The following ACAD11 variants were observed in gnomAD, a reference collection of about 807,000 sequenced individuals.
ACAD11 encodes the protein acyl-CoA dehydrogenase family member 11.
In ACAD11, 83 loss-of-function variants were observed where a neutral mutation model predicts 102.2. That is an observed-to-expected ratio of 0.81 (90% confidence interval 0.68 to 0.97). The LOEUF is 0.97. ACAD11 is among the 50% of genes least tolerant of loss of function. ACAD11 has a pLI of 0.00. For synonymous variants in ACAD11, 324 were observed against 319.8 expected, an observed-to-expected ratio of 1.01 and a Z score of -0.14; for missense variants, 901 against 951.7, an observed-to-expected ratio of 0.95 and a Z score of 0.70.
At chr3:132,574,880 G>C (rs1245602594) in intron 17 of ACAD11, among the ~76,000 whole-genome samples, 1 of 152,144 alleles carries the variant, frequency 6.6e-6, no homozygotes, top group Non-Finnish European at 1.5e-5. Flanking sequence ...CTGTCGCCAG[G>C]CTGGAGTGCA....
At chr3:132,586,883 A>T (rs1477927065) in intron 13 of ACAD11, among the ~76,000 whole-genome samples, 1 of 152,198 alleles carries the variant, frequency 6.6e-6, no homozygotes, top group African/African-American at 2.4e-5. Flanking sequence ...ACCTGAGGCC[A>T]GGAGTTCGAG....
At position 132,578,839 on chromosome 3, in the gene ACAD11, A is replaced by C; in HGVS notation, c.1731T>G (p.Pro577=). 1 of 1,613,178 alleles carries C rather than the reference A, an allele frequency of 6.2e-7. No individual in the cohort carries two copies. The highest frequency in any genetic ancestry group is 8.5e-7 in the Non-Finnish European group (1 of 1,179,478). The change falls in exon 15 of 20, where the codon CCT becomes CCG. Residue 577 remains proline (P), a synonymous_variant. Transcript: ENST00000264990. ...HSMILVPMNT[P]GVKIIRPLSV... ...ACAAAGGCCTTATTATTTTTACTCC[A>C]GGTGTGTTCATGGGAACAAGAATCA...
intron 1 of ACAD11, among the ~76,000 whole-genome samples, chr3:132,651,626 T>C (rs1339540446): frequency 6.6e-6 from 1 of 152,214 alleles, no homozygotes; most frequent in Non-Finnish European, 1.5e-5. Flanking sequence ...CTACCATCCA[T>C]TGATCATACT....
chr3:132,617,397 G>A lies in ACAD11; in HGVS notation c.1414+1237C>T, dbSNP rs145823169. Among the ~76,000 whole-genome samples, 40 of 152,044 alleles carry A rather than the reference G, an allele frequency of 2.6e-4. No individual in the cohort carries two copies. In the East Asian group the frequency reaches 6.9e-3, roughly 26 times the overall value. On this transcript the variant is annotated intron_variant, in intron 11 of 19. Coordinates refer to ENST00000264990, the MANE Select transcript of ACAD11 (RefSeq NM_032169.5). The stretch of plus-strand genomic sequence containing the variant: ...TTTCATTTTACTTTTTAAAAAATTG[G>A]CCTCCTTCCTTCATCTTTTCAATTT...
Position 132,631,468 on chromosome 3 carries a change from T to C in ACAD11, c.714A>G (p.Ile238Met). 1 of 1,496,978 alleles carries C rather than the reference T, an allele frequency of 6.7e-7. No individual in the cohort carries two copies. The highest frequency in any genetic ancestry group is 1.4e-5 in the South Asian group (1 of 69,010). 92.7% of individuals were successfully genotyped at this position (1,496,978 alleles called of 1,614,324 possible). ...TTGACAGCTCCCAATCCAGCACTGC[T>C]ATAACTCGACACTGTAATTAAAAAT... Reference protein sequence around the residue: ...IVFHPKECRVIAVLDWELSTI... With the variant: ...IVFHPKECRVMAVLDWELSTI... The change falls in exon 6 of 20, where the codon ATA becomes ATG. Residue 238 changes from isoleucine (I) to methionine (M), a missense_variant. Coordinates refer to ENST00000264990, the MANE Select transcript of ACAD11 (RefSeq NM_032169.5).
intron 11 of ACAD11, among the ~76,000 whole-genome samples, chr3:132,615,063 CAT>C (rs1287457284): frequency 6.6e-6 from 1 of 152,140 alleles, no homozygotes; most frequent in African/African-American, 2.4e-5. Context: ...GCCCAACAAA[CAT>C]ATGAAAAAAA....
intron 11 of ACAD11, among the ~76,000 whole-genome samples, chr3:132,607,341 T>A (rs1938891131): frequency 6.6e-6 from 1 of 152,092 alleles, no homozygotes; most frequent in African/African-American, 2.4e-5. Flanking sequence ...TAAAGAAGCA[T>A]GTTCTAACCC....
At chr3:132,572,639 A>G (rs1247918342) in intron 17 of ACAD11, among the ~76,000 whole-genome samples, 2 of 152,236 alleles carry the variant, frequency 1.3e-5, no homozygotes, top group African/African-American at 4.8e-5. Context: ...CTTGACTTCA[A>G]ACTATACTAC....
intron 8 of ACAD11, among the ~76,000 whole-genome samples, chr3:132,627,807 G>A (rs1442733796): frequency 6.6e-6 from 1 of 152,198 alleles, no homozygotes; most frequent in African/African-American, 2.4e-5. Flanking sequence ...TATGCCATGG[G>A]TACTTGTGGG....
intron 1 of ACAD11, among the ~76,000 whole-genome samples, chr3:132,648,948 G>A (rs549122651): frequency 6.6e-6 from 1 of 152,248 alleles, no homozygotes; most frequent in Non-Finnish European, 1.5e-5. Context: ...ACAGAAACAT[G>A]TGTTGTATGG....
chr3:132,645,059 GA>G (rs1395729801), intron 1 of ACAD11, among the ~76,000 whole-genome samples, 163 bp from the exon 2 acceptor site: 1 of 152,178 alleles, frequency 6.6e-6, no homozygotes, highest in Non-Finnish European at 1.5e-5. Context: ...ATTTCTAGAT[GA>G]TATTAAAGCA....
intron 17 of ACAD11, among the ~76,000 whole-genome samples, chr3:132,574,916 C>T (rs1052809335): frequency 6.6e-6 from 1 of 152,132 alleles, no homozygotes; most frequent in African/African-American, 2.4e-5. Flanking sequence ...CTGAACGCAA[C>T]CTCTGTCTCC....
At chr3:132,638,463 C>T (rs1346909298) in intron 5 of ACAD11, among the ~76,000 whole-genome samples, 1 of 152,082 alleles carries the variant, frequency 6.6e-6, no homozygotes, top group African/African-American at 2.4e-5. Flanking sequence ...GAAAGTTAAG[C>T]ATAAATTTAT....
intron 18 of ACAD11, 150 bp from the exon 19 acceptor site, chr3:132,560,092 A>G (rs527926186): frequency 2.2e-4 from 140 of 626,800 alleles, no homozygotes; most frequent in Non-Finnish European, 3.7e-4. Context: ...TCCTGCTGCA[A>G]TGCCATATTT....
At chr3:132,592,721 C>T (rs1938130993) in intron 13 of ACAD11, among the ~76,000 whole-genome samples, 1 of 152,144 alleles carries the variant, frequency 6.6e-6, no homozygotes, top group African/African-American at 2.4e-5. Context: ...AGGTAGAACA[C>T]CTGAACTTCA....
At chr3:132,594,731 G>A (rs1938226098) in intron 13 of ACAD11, among the ~76,000 whole-genome samples, 1 of 152,134 alleles carries the variant, frequency 6.6e-6, no homozygotes, top group Admixed American at 6.6e-5. Context: ...CTAAAATAGG[G>A]TGGGAAGAGT....
Position 132,640,770 on chromosome 3 carries a change from C to T in ACAD11, c.538-1114G>A, listed in dbSNP as rs145118740. Among the ~76,000 whole-genome samples, 95 of 152,080 alleles carry T rather than the reference C, an allele frequency of 6.2e-4. 1 individual carries two copies. The highest frequency in any genetic ancestry group is 6.8e-3 in the Middle Eastern group (2 of 292). On this transcript the variant is annotated intron_variant, in intron 4 of 19. Transcript: ENST00000264990. ...GTTGTAAAGATCAAAAAAGAGAGGC[C>T]GACAACTCACTCTGCCATGTAGGAC...
chr3:132,599,839 G>C lies in ACAD11; in HGVS notation c.1621+3390C>G, dbSNP rs114413101. Among the ~76,000 whole-genome samples, 1,386 of 152,164 alleles carry C rather than the reference G, an allele frequency of 9.1e-3. 8 individuals are homozygous for C. The highest frequency in any genetic ancestry group is 0.016 in the Non-Finnish European group (1,059 of 68,004). On this transcript the variant is annotated intron_variant, in intron 13 of 19. Transcript: ENST00000264990. ...TCTTGTTTTATAAAAGGCAACTAGT[G>C]AAATTTAGTGCAAATGCTGAGAGAA... is the stretch of plus-strand genomic sequence containing the variant.
At position 132,561,113 on chromosome 3, in the gene ACAD11, G is replaced by A. The variant is rs769987502; in HGVS notation, c.2106C>T (p.Gly702=). 1.9e-5 allele frequency: 30 copies of A among 1,612,392 alleles called. No homozygotes were observed. The East Asian group carries it at 3.8e-4, about 20-fold the overall frequency. Reference sequence around the variant, plus strand: ...AAGGTAGCCTCACCTCTTTCTTAGCGCCAGCACTGCCCAGAGTGTCCATGC... The same window carrying A: ...AAGGTAGCCTCACCTCTTTCTTAGCACCAGCACTGCCCAGAGTGTCCATGC... ...AHSMDTLGSA[G]AKKEIAMIKV... is the part of the protein sequence containing the mutation. Residue 702 remains glycine (G), a synonymous_variant, in exon 18 of 20, where the codon GGC becomes GGT. Transcript: ENST00000264990.
Sources: allele counts gnomAD v4.1 joint callset (sites outside exome capture counted in the v4.1 genomes callset), GRCh38; gene constraint gnomAD v4.1.1; transcripts MANE v1.5; gene names NCBI Gene and HGNC (gene_info 2026-07-23, HGNC 2026-07-21).